Variants in PHLPP1 observed in about 807,000 individuals in gnomAD.
The protein encoded by PHLPP1 is PH domain leucine-rich repeat-containing protein phosphatase 1.
In PHLPP1, 42 loss-of-function variants were observed where a neutral mutation model predicts 117.2. That is an observed-to-expected ratio of 0.36 (90% CI 0.28 to 0.46). The LOEUF (loss-of-function observed/expected upper bound fraction) is 0.46, where lower values mean the gene tolerates loss of function less well. PHLPP1 is among the 20% of genes least tolerant of loss of function. PHLPP1 has a pLI of 1.00. For missense variants in PHLPP1, 2,084 were observed against 2,241.9 expected (o/e 0.93, Z 1.42); for synonymous variants, 1,042 against 970.7 (o/e 1.07, Z -1.37).
chr18:62,963,976 A>G (rs1910837338), intron 14 of PHLPP1, among the ~76,000 whole-genome samples: 1 of 152,122 alleles, frequency 6.6e-6, no homozygotes, highest in African/African-American at 2.4e-5. Context: ...TCTTGCCACC[A>G]GGACTTGCCC....
chr18:62,865,016 C>G (rs915050442), intron 4 of PHLPP1, among the ~76,000 whole-genome samples: 2 of 152,124 alleles, frequency 1.3e-5, no homozygotes, highest in Admixed American at 6.5e-5. Context: ...TTTATATGCT[C>G]TATGTATTGT....
chr18:62,825,669 GTC>G (rs1914593371), intron 1 of PHLPP1, among the ~76,000 whole-genome samples: 1 of 151,704 alleles, frequency 6.6e-6, no homozygotes, highest in Non-Finnish European at 1.5e-5. Context: ...GCTCAGGCTG[GTC>G]TTGAACTCCT....
At chr18:62,803,669 T>C (rs1416094602) in intron 1 of PHLPP1, among the ~76,000 whole-genome samples, 1 of 152,252 alleles carries the variant, frequency 6.6e-6, no homozygotes, top group African/African-American at 2.4e-5. Flanking sequence ...TTGTGCATCT[T>C]CTAGTGCAAT....
intron 14 of PHLPP1, among the ~76,000 whole-genome samples, chr18:62,966,732 G>A (rs2144485477): frequency 6.6e-6 from 1 of 152,286 alleles, no homozygotes; most frequent in Non-Finnish European, 1.5e-5. Flanking sequence ...GCCTCCCAAA[G>A]TGCTGGGATT....
intron 1 of PHLPP1, among the ~76,000 whole-genome samples, chr18:62,755,211 AC>A (rs1568104314): frequency 6.6e-6 from 1 of 152,090 alleles, no homozygotes; most frequent in African/African-American, 2.4e-5. Flanking sequence ...CTGTGCAGAT[AC>A]GTGAAAGTTG....
intron 16 of PHLPP1, 27 bp downstream of exon 16, chr18:62,975,652 A>G (rs772219328): frequency 8.7e-6 from 13 of 1,493,086 alleles, no homozygotes; most frequent in South Asian, 1.1e-5. Context: ...GTTGCCCAGG[A>G]TGGTGGAGAG....
intron 1 of PHLPP1, among the ~76,000 whole-genome samples, chr18:62,725,399 A>G (rs897414809): frequency 2.0e-5 from 3 of 151,786 alleles, no homozygotes; most frequent in African/African-American, 7.2e-5. Context: ...ATAAATATGT[A>G]TGTATTAAAA....
chr18:62,932,230 C>G lies in PHLPP1; in HGVS notation c.2961-9488C>G, dbSNP rs148418163. On this transcript the variant is annotated intron_variant, in intron 10 of 16. Transcript: ENST00000262719. ...TGGTACCAATCTTGTTGAAACTATT[C>G]CAAAAAGTTGAGGGGGCAGGATTCC... Among the ~76,000 whole-genome samples the G allele has an allele frequency of 2.5e-3, 383 of 152,286 alleles. 2 individuals are homozygous for G. The highest frequency in any genetic ancestry group is 8.4e-3 in the African/African-American group (349 of 41,574).
At chr18:62,922,502 C>G (rs1327709329) in intron 10 of PHLPP1, among the ~76,000 whole-genome samples, 1 of 152,128 alleles carries the variant, frequency 6.6e-6, no homozygotes, top group East Asian at 1.9e-4. Flanking sequence ...TAGACATATG[C>G]TTTTTGGTTG....
At chr18:62,776,167 A>C (rs923312529) in intron 1 of PHLPP1, among the ~76,000 whole-genome samples, 1 of 152,288 alleles carries the variant, frequency 6.6e-6, no homozygotes, top group East Asian at 1.9e-4. Flanking sequence ...CTGGAAACTC[A>C]TGTTAAGATT....
chr18:62,832,131 C>CTATT (rs535073001), intron 2 of PHLPP1: 277 of 152,344 alleles, frequency 1.8e-3, no homozygotes, highest in African/African-American at 6.5e-3. Context: ...TCTAATATAA[C>CTATT]TATTCAGTAT....
At chr18:62,766,076 A>ATATATATATATTATATATATATATATAT in intron 1 of PHLPP1, among the ~76,000 whole-genome samples, 1 of 21,662 alleles carries the variant, frequency 4.6e-5, no homozygotes, top group Admixed American at 7.9e-4. Flanking sequence ...AAAAAAAAAA[A>ATATATATATATTATATATATATATATAT]ATATATATAT....
At chr18:62,780,088 C>T (rs965471129) in intron 1 of PHLPP1, among the ~76,000 whole-genome samples, 7 of 152,040 alleles carry the variant, frequency 4.6e-5, no homozygotes, top group Non-Finnish European at 1.0e-4. Flanking sequence ...AGTCATTTTG[C>T]GCTTGTGGGA....
chr18:62,838,684 C>G, intron 2 of PHLPP1, 100 bp from the exon 3 acceptor site: 1 of 1,172,224 alleles, frequency 8.5e-7, no homozygotes, highest in Non-Finnish European at 1.2e-6. Context: ...GGGAAACATG[C>G]AAATCCATGC....
At chr18:62,806,551 C>T (rs533109305) in intron 1 of PHLPP1, among the ~76,000 whole-genome samples, 13 of 152,192 alleles carry the variant, frequency 8.5e-5, no homozygotes, top group African/African-American at 2.9e-4. Flanking sequence ...TTTGAGAAAA[C>T]TCGTTTCTTT....
intron 9 of PHLPP1, among the ~76,000 whole-genome samples, chr18:62,916,676 G>T (rs1909287389): frequency 6.8e-6 from 1 of 146,528 alleles, no homozygotes; most frequent in Non-Finnish European, 1.5e-5. Context: ...AATGAAAACA[G>T]TAGGGAAAAA....
chr18:62,841,480 A>G (rs6567299), intron 3 of PHLPP1, among the ~76,000 whole-genome samples: 35,775 of 151,126 alleles, frequency 0.24, 6,796 homozygotes, highest in African/African-American at 0.53. Context: ...CTACAGGCAC[A>G]TGCCACCATA....
Position 62,914,901 on chromosome 18 carries a change from T to C in PHLPP1, c.2709-12T>C. On this transcript the variant is annotated splice_polypyrimidine_tract_variant and intron_variant, in intron 8 of 16. Coordinates refer to ENST00000262719, the MANE Select transcript of PHLPP1 (RefSeq NM_194449.4). ...CAAATTCAACCAATTACTTTTATGT[T>C]CTTGCATTTAGGAACCGCTTAGAAA... 1 of 1,601,864 alleles carries C rather than the reference T, an allele frequency of 6.2e-7. No homozygotes were observed. The highest frequency in any genetic ancestry group is 8.5e-7 in the Non-Finnish European group (1 of 1,169,906).
In PHLPP1 at chr18:62,716,722, A is replaced by G; in HGVS notation, c.1039A>G (p.Thr347Ala). Residue 347 changes from threonine to alanine, a missense_variant, in exon 1 of 17, where the codon ACC (threonine) becomes GCC (alanine). By Grantham distance (58) the Thr-to-Ala change is moderately conservative. Coordinates refer to ENST00000262719, the MANE Select transcript of PHLPP1 (RefSeq NM_194449.4). This position sits in a 1 kb window ranked among gnomAD's most constrained non-coding sequence, Gnocchi z 5.7. ...CGCCCCACGGCCTGTGGTCTCCGACACCGAGAGCTTCAGTCTGAGTCCCAG... is the reference window on the plus strand; with the variant it reads ...CGCCCCACGGCCTGTGGTCTCCGACGCCGAGAGCTTCAGTCTGAGTCCCAG... ...PRAPRPVVSD[T>A]ESFSLSPSAE... 6.7e-7 allele frequency: 1 copy of G among 1,502,572 alleles called. No individual in the cohort carries two copies. Among genetic ancestry groups the G allele is most frequent in the Non-Finnish European group, 8.8e-7 (1 of 1,130,544 alleles). The allele number at this position is 1,502,572 out of a possible 1,614,324, so 93.1% of individuals were successfully genotyped here. A position where few individuals can be genotyped will look rare whatever the true frequency, so the allele number is the denominator to read the frequency against.
Sources: gnomAD v4.1 joint callset for allele counts (sites outside exome capture counted in the v4.1 genomes callset) on GRCh38, gnomAD v4.1.1 for gene constraint, Gnocchi (gnomAD v3.1) non-coding constraint, MANE v1.5 for transcripts, NCBI Gene and HGNC (gene_info 2026-07-23, HGNC 2026-07-21) for gene names.